The following ANKS1B variants were observed in gnomAD, a reference collection of about 807,000 sequenced individuals.
ANKS1B encodes ankyrin repeat and sterile alpha motif domain containing 1B.
A neutral mutation model predicts 148.3 loss-of-function variants in ANKS1B; 36 were observed. The ratio of observed to expected loss-of-function variants is 0.24; its 90% CI spans 0.19 to 0.32. ANKS1B has a LOEUF of 0.32. Among genes scored for constraint, ANKS1B ranks in the 10% least tolerant of loss-of-function variants. ANKS1B has a pLI of 1.00. For missense variants in ANKS1B, 1,157 were observed against 1,542.6 expected (o/e 0.75, Z 4.19); for synonymous variants, 542 against 560.8 (o/e 0.97, Z 0.47).
intron 11 of ANKS1B, among the ~76,000 whole-genome samples, chr12:99,423,634 C>T (rs914007264): frequency 6.6e-6 from 1 of 152,052 alleles, no homozygotes; most frequent in Non-Finnish European, 1.5e-5. Context: ...TACATATACA[C>T]CATGGAATAT....
chr12:99,051,123 G>A (rs983919489), intron 17 of ANKS1B, among the ~76,000 whole-genome samples: 3 of 152,158 alleles, frequency 2.0e-5, no homozygotes, highest in Non-Finnish European at 2.9e-5. Context: ...CTGTCTACAA[G>A]GTCTGGCTGC....
At chr12:99,473,125 G>A (rs545556109) in intron 10 of ANKS1B, among the ~76,000 whole-genome samples, 9 of 151,848 alleles carry the variant, frequency 5.9e-5, no homozygotes, top group East Asian at 3.9e-4. Flanking sequence ...TGTATTATCC[G>A]TCTGTGCCTT....
intron 17 of ANKS1B, among the ~76,000 whole-genome samples, chr12:98,832,922 A>T (rs2099330661): frequency 6.6e-6 from 1 of 152,198 alleles, no homozygotes; most frequent in Non-Finnish European, 1.5e-5. Flanking sequence ...AAAAAAAAAT[A>T]AGGGATTAAT....
intron 8 of ANKS1B, among the ~76,000 whole-genome samples, chr12:99,765,750 C>T (rs1384841297): frequency 2.6e-5 from 4 of 152,086 alleles, no homozygotes; most frequent in Admixed American, 6.6e-5. Flanking sequence ...CTATTTAGAA[C>T]GTCTGGACAA....
chr12:98,776,704 C>T (rs867026004), intron 24 of ANKS1B, among the ~76,000 whole-genome samples: 6 of 152,234 alleles, frequency 3.9e-5, no homozygotes, highest in Non-Finnish European at 7.3e-5. Flanking sequence ...TGGGACCTTT[C>T]TCTTGCATCT....
At chr12:99,774,828 A>AAGG (rs1567822975) in intron 7 of ANKS1B, among the ~76,000 whole-genome samples, 1 of 151,630 alleles carries the variant, frequency 6.6e-6, no homozygotes, top group African/African-American at 2.4e-5. Context: ...CAGCCTTAAA[A>AAGG]AAGGAGATCC....
chr12:99,070,903 G>T (rs79293757), intron 16 of ANKS1B, among the ~76,000 whole-genome samples: 1 of 152,034 alleles, frequency 6.6e-6, no homozygotes, highest in African/African-American at 2.4e-5. Flanking sequence ...TCCCTCACGC[G>T]ATCCTCCTGC....
At chr12:99,137,665 T>A (rs947600806) in intron 15 of ANKS1B, among the ~76,000 whole-genome samples, 7 of 152,296 alleles carry the variant, frequency 4.6e-5, no homozygotes, top group Admixed American at 2.6e-4. Context: ...TCATTTTTTT[T>A]AAATGGTGTT....
In ANKS1B at chr12:99,064,534, T is replaced by C. The variant is rs1432678448; in HGVS notation, c.2626-11225A>G. On this transcript the variant is annotated intron_variant, in intron 16 of 26. Transcript: ENST00000683438. ...CAAGTTAAAGGAGTTAAGTTGCCAATGCAGCCAAGTTCTATAAAGCATCCT... is the reference window on the plus strand; with the variant it reads ...CAAGTTAAAGGAGTTAAGTTGCCAACGCAGCCAAGTTCTATAAAGCATCCT... Among the ~76,000 whole-genome samples, 3 of 152,266 alleles carry C rather than the reference T, an allele frequency of 2.0e-5. No homozygotes were observed. In the East Asian group the frequency reaches 5.8e-4, roughly 29 times the overall value.
At chr12:99,448,814 G>A (rs1397752413) in intron 10 of ANKS1B, among the ~76,000 whole-genome samples, 1 of 151,998 alleles carries the variant, frequency 6.6e-6, no homozygotes, top group Admixed American at 6.6e-5. Flanking sequence ...GGATAGAGCT[G>A]CCATCAGCAG....
At chr12:99,021,786 T>C (rs2099945978) in intron 17 of ANKS1B, among the ~76,000 whole-genome samples, 1 of 152,214 alleles carries the variant, frequency 6.6e-6, no homozygotes, top group Non-Finnish European at 1.5e-5. Context: ...AAGTAATATA[T>C]GAGAGTTTCT....
chr12:99,696,042 C>T (rs901041021), intron 8 of ANKS1B, among the ~76,000 whole-genome samples: 2 of 152,024 alleles, frequency 1.3e-5, no homozygotes, highest in Admixed American at 1.3e-4. Context: ...CTCAGCAAAG[C>T]ACAACATACC....
chr12:99,781,928 T>C (rs902958331), intron 5 of ANKS1B, 94 bp downstream of exon 5: 7 of 1,078,288 alleles, frequency 6.5e-6, no homozygotes, highest in Non-Finnish European at 9.4e-6. Flanking sequence ...AAGAGGGTGA[T>C]TTGTGAAGAA....
chr12:99,439,767 C>A (rs149731478), intron 11 of ANKS1B, among the ~76,000 whole-genome samples: 140 of 151,702 alleles, frequency 9.2e-4, no homozygotes, highest in African/African-American at 3.3e-3. Context: ...ATTCATCTAC[C>A]CTGTGATCCA....
chr12:98,919,104 A>C (rs1053733618), intron 17 of ANKS1B, among the ~76,000 whole-genome samples: 6 of 152,174 alleles, frequency 3.9e-5, no homozygotes, highest in African/African-American at 1.2e-4. Context: ...TGCGGAAAAA[A>C]ATCTTTTTCT....
intron 12 of ANKS1B, among the ~76,000 whole-genome samples, chr12:99,274,600 A>G (rs953160669): frequency 6.6e-6 from 1 of 152,062 alleles, no homozygotes; most frequent in Non-Finnish European, 1.5e-5. Context: ...TCTTTCCCCA[A>G]CATTCTTCAT....
chr12:99,944,659 C>T (rs537530072), intron 1 of ANKS1B, among the ~76,000 whole-genome samples: 1 of 152,220 alleles, frequency 6.6e-6, no homozygotes, highest in South Asian at 2.1e-4. Context: ...TGCAGGACCT[C>T]TCCAAGATTC....
intron 12 of ANKS1B, among the ~76,000 whole-genome samples, chr12:99,352,872 T>C (rs1402588881): frequency 6.6e-6 from 1 of 152,116 alleles, no homozygotes; most frequent in Non-Finnish European, 1.5e-5. Flanking sequence ...AGTCGAGTTA[T>C]AGAGTCTATT....
chr12:99,462,512 C>G lies in ANKS1B; in HGVS notation c.1439-18703G>C, dbSNP rs182052025. The stretch of plus-strand genomic sequence containing the variant: ...CTCAATAAATCTCCTGTATGCTAAC[C>G]TACATCTCAAAGTCAGCTTTCTGGT... On this transcript the variant is annotated intron_variant, in intron 10 of 26. Transcript: ENST00000683438. Among the ~76,000 whole-genome samples, 68 of 152,280 alleles carry G rather than the reference C, an allele frequency of 4.5e-4. No individual in the cohort carries two copies. The East Asian group carries it at 9.1e-3, about 20-fold the overall frequency.
Sources: gnomAD v4.1 joint callset for allele counts (sites outside exome capture counted in the v4.1 genomes callset) on GRCh38, gnomAD v4.1.1 for gene constraint, MANE v1.5 for transcripts, NCBI Gene and HGNC (gene_info 2026-07-23, HGNC 2026-07-21) for gene names.